Variants in LINGO2 observed in about 807,000 individuals in gnomAD.
LINGO2 encodes the protein leucine-rich repeat and immunoglobulin-like domain-containing nogo receptor-interacting protein 2.
A neutral mutation model predicts 30.6 loss-of-function variants in LINGO2; 14 were observed. That is an observed-to-expected ratio of 0.46 (90% confidence interval 0.30 to 0.72). The LOEUF (loss-of-function observed/expected upper bound fraction) is 0.72. LINGO2 is among the 30% of genes least tolerant of loss of function. LINGO2 has a pLI of 0.07. For missense variants in LINGO2, 729 were observed against 751.7 expected (o/e 0.97, Z 0.35); for synonymous variants, 317 against 288.5 (o/e 1.10, Z -1.00).
intron 4 of LINGO2, among the ~76,000 whole-genome samples, chr9:28,208,529 G>C (rs1490769989): frequency 6.6e-6 from 1 of 152,110 alleles, no homozygotes; most frequent in South Asian, 2.1e-4. Flanking sequence ...GGGGTAGGGA[G>C]ATAGACTCAT....
chr9:28,771,101 G>A, the LINGO2 span, among the ~76,000 whole-genome samples: 162 of 151,958 alleles, frequency 1.1e-3, no homozygotes, highest in African/African-American at 3.6e-3. Flanking sequence ...GGGAAACACT[G>A]TTTGAGATTT....
chr9:28,204,825 A>T (rs961466623), intron 4 of LINGO2, among the ~76,000 whole-genome samples: 1 of 152,172 alleles, frequency 6.6e-6, no homozygotes, highest in Non-Finnish European at 1.5e-5. Flanking sequence ...CCATGAACAG[A>T]ATCTTCTTTT....
intron 1 of LINGO2, among the ~76,000 whole-genome samples, chr9:28,621,788 G>A (rs993252758): frequency 1.1e-4 from 16 of 152,082 alleles, no homozygotes; most frequent in Middle Eastern, 3.4e-3. Flanking sequence ...GCATATGAAA[G>A]TTATGTTTAC....
At chr9:28,468,959 C>G (rs758635114) in intron 2 of LINGO2, among the ~76,000 whole-genome samples, 6 of 152,134 alleles carry the variant, frequency 3.9e-5, no homozygotes, top group Admixed American at 6.5e-5. Flanking sequence ...CAGAAACTGT[C>G]TCTAAAGAAA....
At chr9:28,637,217 T>G (rs925084078) in intron 1 of LINGO2, among the ~76,000 whole-genome samples, 1 of 152,186 alleles carries the variant, frequency 6.6e-6, no homozygotes, top group South Asian at 2.1e-4. Flanking sequence ...CTGTTTTGGT[T>G]ACTGTAGCCT....
At chr9:28,946,496 A>G in the LINGO2 span, among the ~76,000 whole-genome samples, 334 of 152,226 alleles carry the variant, frequency 2.2e-3, 1 homozygote, top group African/African-American at 7.8e-3. Context: ...TTAGTAAAGA[A>G]TTGCCCAGAT....
intron 1 of LINGO2, among the ~76,000 whole-genome samples, chr9:28,559,833 G>A (rs1427835335): frequency 1.3e-5 from 2 of 151,962 alleles, no homozygotes; most frequent in African/African-American, 2.4e-5. Flanking sequence ...TTCAAGAAAA[G>A]TTTAGTGTAC....
intron 2 of LINGO2, among the ~76,000 whole-genome samples, chr9:28,467,183 G>C (rs943771629): frequency 6.6e-6 from 1 of 151,916 alleles, no homozygotes; most frequent in Non-Finnish European, 1.5e-5. Flanking sequence ...CCACCACCAC[G>C]CCTGGCTAAT....
At chr9:28,229,371 T>C (rs1387224274) in intron 4 of LINGO2, among the ~76,000 whole-genome samples, 1 of 151,624 alleles carries the variant, frequency 6.6e-6, no homozygotes, top group African/African-American at 2.4e-5. Context: ...CTATAATAAC[T>C]GTAGAAGAAA....
chr9:28,367,512 G>C (rs1820724065), intron 3 of LINGO2, among the ~76,000 whole-genome samples: 1 of 151,640 alleles, frequency 6.6e-6, no homozygotes, highest in South Asian at 2.1e-4. Context: ...TTATTTCCTG[G>C]GGGCCATTTT....
At chr9:28,782,497 TGAGA>T in the LINGO2 span, among the ~76,000 whole-genome samples, 2 of 152,110 alleles carry the variant, frequency 1.3e-5, no homozygotes, top group Non-Finnish European at 2.9e-5. Flanking sequence ...AACAAGAGTA[TGAGA>T]GAGGTTGTAC....
At chr9:29,116,807 CATT>C in the LINGO2 span, among the ~76,000 whole-genome samples, 12 of 152,100 alleles carry the variant, frequency 7.9e-5, no homozygotes, top group African/African-American at 2.9e-4. Flanking sequence ...AAGTGGCTGT[CATT>C]ATTGCTTAAA....
intron 4 of LINGO2, among the ~76,000 whole-genome samples, chr9:28,092,385 T>A (rs968112258): frequency 1.8e-4 from 28 of 152,124 alleles, no homozygotes; most frequent in Admixed American, 5.9e-4. Flanking sequence ...GATGAGTTCA[T>A]GTCCTTTGTA....
intron 3 of LINGO2, among the ~76,000 whole-genome samples, chr9:28,318,883 T>C (rs983334679): frequency 6.6e-6 from 1 of 152,174 alleles, no homozygotes; most frequent in African/African-American, 2.4e-5. Context: ...TTAATCCTCA[T>C]AACAATAATC....
At chr9:28,860,379 C>A in the LINGO2 span, among the ~76,000 whole-genome samples, 1 of 151,930 alleles carries the variant, frequency 6.6e-6, no homozygotes, top group Non-Finnish European at 1.5e-5. Flanking sequence ...AAGTTGAAAT[C>A]CTTAATAGAC....
rs561940642 is a variant in LINGO2 at position 28,557,685 on chromosome 9, G to T, written c.-364-81660C>A. On this transcript the variant is annotated intron_variant, in intron 1 of 5. Coordinates refer to ENST00000379992, the Ensembl canonical transcript of LINGO2. Reference sequence around the variant, plus strand: ...GGACTATAAATCATGCTGCTATAAAGACACATGCACATGTATGTTTATTGC... The same window carrying T: ...GGACTATAAATCATGCTGCTATAAATACACATGCACATGTATGTTTATTGC... Among the ~76,000 whole-genome samples the T allele has an allele frequency of 4.6e-5, 7 of 151,678 alleles. No individual in the cohort carries two copies. In the South Asian group the frequency reaches 1.5e-3, roughly 32 times the overall value.
the LINGO2 span, among the ~76,000 whole-genome samples, chr9:28,934,446 A>G: frequency 6.6e-6 from 1 of 152,214 alleles, no homozygotes; most frequent in Admixed American, 6.5e-5. Context: ...TGACAAGTAC[A>G]TTAATAACTT....
the LINGO2 span, among the ~76,000 whole-genome samples, chr9:28,955,383 T>C: frequency 1.3e-5 from 2 of 152,132 alleles, no homozygotes; most frequent in East Asian, 1.9e-4. Context: ...GTGAGGCTGA[T>C]TGACTATGGA....
intron 2 of LINGO2, among the ~76,000 whole-genome samples, chr9:28,407,865 A>G (rs149816293): frequency 9.0e-4 from 137 of 152,266 alleles, no homozygotes; most frequent in Middle Eastern, 3.4e-3. Flanking sequence ...ATTCACCCCA[A>G]TGAAGTCTTC....
Sources: allele counts gnomAD v4.1 joint callset (sites outside exome capture counted in the v4.1 genomes callset), GRCh38; gene constraint gnomAD v4.1.1; transcripts MANE v1.5; gene names NCBI Gene and HGNC (gene_info 2026-07-23, HGNC 2026-07-21).